Variants in CD200 observed in about 807,000 individuals in gnomAD.
CD200 encodes CD200 molecule.
A neutral mutation model predicts 30.9 loss-of-function variants in CD200; 15 were observed. The ratio of observed to expected loss-of-function variants is 0.49; its 90% CI spans 0.32 to 0.75. The LOEUF (loss-of-function observed/expected upper bound fraction) is 0.75, where lower values mean the gene tolerates loss of function less well. CD200 is among the 30% of genes least tolerant of loss of function. The pLI is 0.03. For missense variants in CD200, 262 were observed against 324.2 expected (o/e 0.81, Z 1.47); for synonymous variants, 134 against 126.2 (o/e 1.06, Z -0.41).
In CD200 at chr3:112,345,102, A is replaced by G; in HGVS notation, c.235A>G (p.Ser79Gly). 6.2e-7 allele frequency: 1 copy of G among 1,614,138 alleles called. No homozygotes were observed. Among genetic ancestry groups the G allele is most frequent in the Non-Finnish European group, 8.5e-7 (1 of 1,180,004 alleles). The change falls in exon 3 of 6, where the codon AGC becomes GGC. Residue 79 changes from serine (S) to glycine (G), a missense_variant. Transcript: ENST00000315711. ...AVSPENMVTF[S>G]ENHGVVIQPA... ...AAGCCCAGAAAACATGGTCACCTTC[A>G]GCGAGAACCATGGGGTGGTGATCCA...
intron 3 of CD200, among the ~76,000 whole-genome samples, 191 bp downstream of exon 3, chr3:112,345,479 G>T (rs113483136): frequency 0.016 from 2,476 of 152,256 alleles, 70 homozygotes; most frequent in African/African-American, 0.056. Context: ...GAGTTCTTTG[G>T]CTGGAGCTAT....
Position 112,344,667 on chromosome 3 carries a change from A to C in CD200, c.95-295A>C, listed in dbSNP as rs117834048. On this transcript the variant is annotated intron_variant, in intron 2 of 5. Transcript: ENST00000315711. ...GCTGCTATCCTACCTGGCAGTTTAC[A>C]TCTTCAATCTCATTGTACCTACTTC... Among the ~76,000 whole-genome samples, 152 of 152,340 alleles carry C rather than the reference A, an allele frequency of 1.0e-3. 2 individuals carry two copies. In the East Asian group the frequency reaches 0.017, roughly 17 times the overall value.
intron 1 of CD200, among the ~76,000 whole-genome samples, chr3:112,338,334 G>T (rs2081165079): frequency 6.6e-6 from 1 of 152,104 alleles, no homozygotes. Flanking sequence ...TAGCTGTTTT[G>T]GGTAAAATGA....
At chr3:112,335,186 T>TTA (rs2081084475) in intron 1 of CD200, among the ~76,000 whole-genome samples, 1 of 152,078 alleles carries the variant, frequency 6.6e-6, no homozygotes. Flanking sequence ...ACTGAGAAAA[T>TTA]TATCGAGTTA....
intron 2 of CD200, among the ~76,000 whole-genome samples, chr3:112,341,523 C>T (rs2081238745): frequency 6.6e-6 from 1 of 152,210 alleles, no homozygotes; most frequent in Non-Finnish European, 1.5e-5. Flanking sequence ...ACTCACTTTA[C>T]CACTGGCCTT....
intron 1 of CD200, 171 bp downstream of exon 1, chr3:112,333,395 T>G (rs2081041436): frequency 1.0e-6 from 1 of 985,418 alleles, no homozygotes; most frequent in Non-Finnish European, 1.2e-6. Context: ...CGCTTTCTCT[T>G]GCTGAGAAAC....
chr3:112,344,882 T>C (rs982004066), intron 2 of CD200, 80 bp from the exon 3 acceptor site: 24 of 1,059,138 alleles, frequency 2.3e-5, no homozygotes, highest in Non-Finnish European at 3.0e-5. Flanking sequence ...TGACATTGAA[T>C]ATACATTTTA....
chr3:112,360,146 A>G (rs2081709272), intron 5 of CD200, among the ~76,000 whole-genome samples: 1 of 152,006 alleles, frequency 6.6e-6, no homozygotes, highest in African/African-American at 2.4e-5. Context: ...TGGCCAACAT[A>G]GTGAAACCCC....
chr3:112,339,959 G>A (rs2081200910), intron 1 of CD200, among the ~76,000 whole-genome samples: 1 of 152,202 alleles, frequency 6.6e-6, no homozygotes, highest in Non-Finnish European at 1.5e-5. Flanking sequence ...TAGAGATTGG[G>A]ACAATTATGG....
rs2108458882 is a variant in CD200, at chr3:112,349,771, C to T, written c.754C>T (p.Leu252=). The part of the protein sequence containing the change: ...SIVSLVILLV[L]ISILLYWKRH... ...TGTTTCCCTGGTAATTCTTCTCGTC[C>T]TAATCTCAATCTTACTGTACTGGAA... The change falls in exon 5 of 6, where the codon CTA becomes TTA. Residue 252 remains leucine (L), a synonymous_variant. Transcript: ENST00000315711. The T allele has an allele frequency of 6.2e-7, 1 of 1,611,962 alleles. No individual in the cohort carries two copies. Among genetic ancestry groups the T allele is most frequent in the South Asian group, 1.1e-5 (1 of 90,652 alleles).
At position 112,340,992 on chromosome 3, in the gene CD200, A is replaced by T; in HGVS notation, c.94+9A>T. The stretch of plus-strand genomic sequence containing the variant: ...GCTGTGCACAGCACAAGGTAAAGAA[A>T]CTCAATTCCCCTGCTTGGAGCCCAG... On this transcript the variant is annotated intron_variant, in intron 2 of 5. Transcript: ENST00000315711. The T allele has an allele frequency of 6.3e-7, 1 of 1,584,626 alleles. No homozygotes were observed. The highest frequency in any genetic ancestry group is 8.7e-7 in the Non-Finnish European group (1 of 1,153,974).
At chr3:112,357,962 A>C (rs955466134) in intron 5 of CD200, among the ~76,000 whole-genome samples, 3 of 152,198 alleles carry the variant, frequency 2.0e-5, no homozygotes, top group Non-Finnish European at 4.4e-5. Flanking sequence ...TGAGATAATT[A>C]TTCACTCAAT....
chr3:112,333,698 C>T lies in CD200; in HGVS notation c.12+474C>T, dbSNP rs1300444768. The T allele has an allele frequency of 3.0e-6, 3 of 985,324 alleles. No homozygotes were observed. The African/African-American group carries it at 5.2e-5, about 17-fold the overall frequency. The allele number at this position is 985,324 out of a possible 1,614,324, so 61.0% of individuals were successfully genotyped here. On this transcript the variant is annotated intron_variant, in intron 1 of 5. Coordinates refer to ENST00000315711, the MANE Select transcript of CD200 (RefSeq NM_005944.7). ...AGATACAGATTTCCAGGCTCGCTTT[C>T]TCCGGGAGAGCTCCTGCGTCTCCTC... is the stretch of plus-strand genomic sequence containing the variant.
At chr3:112,342,318 T>C (rs200581260) in intron 2 of CD200, among the ~76,000 whole-genome samples, 6,506 of 18,726 alleles carry the variant, frequency 0.35, 1,798 homozygotes, top group Middle Eastern at 0.45. Context: ...TTCTTCTTTC[T>C]TTCTTTCTTT....
chr3:112,333,862 A>G (rs2081053633), intron 1 of CD200: 1 of 985,356 alleles, frequency 1.0e-6, no homozygotes, highest in Admixed American at 6.1e-5. Context: ...CCGGGTATCT[A>G]GAGAAACAGA....
intron 5 of CD200, among the ~76,000 whole-genome samples, chr3:112,361,046 T>G (rs929912707): frequency 6.6e-6 from 1 of 152,180 alleles, no homozygotes; most frequent in Non-Finnish European, 1.5e-5. Flanking sequence ...GTTGTTTTGT[T>G]GTTTTTAGAG....
At chr3:112,341,289 T>C (rs1195094675) in intron 2 of CD200, among the ~76,000 whole-genome samples, 1 of 152,254 alleles carries the variant, frequency 6.6e-6, no homozygotes, top group Non-Finnish European at 1.5e-5. Context: ...TGATTTCCTC[T>C]GTTTTTAAAT....
chr3:112,338,045 G>C (rs1259724724), intron 1 of CD200, among the ~76,000 whole-genome samples: 1 of 152,014 alleles, frequency 6.6e-6, no homozygotes, highest in African/African-American at 2.4e-5. Flanking sequence ...TTCCATCTGT[G>C]GTTATCTGAA....
intron 1 of CD200, chr3:112,335,969 T>A (rs1344790432): frequency 6.2e-7 from 1 of 1,612,552 alleles, no homozygotes; most frequent in Non-Finnish European, 8.5e-7. Flanking sequence ...TTGGGGGCCC[T>A]CTCCTTACAG....
Sources: allele counts gnomAD v4.1 joint callset (sites outside exome capture counted in the v4.1 genomes callset), GRCh38; gene constraint gnomAD v4.1.1; transcripts MANE v1.5; gene names NCBI Gene and HGNC (gene_info 2026-07-23, HGNC 2026-07-21).